Variants in SHISA9 observed in about 807,000 individuals in gnomAD.
SHISA9 encodes protein shisa-9.
Under a neutral mutation model 38.0 loss-of-function variants are expected in SHISA9, and 13 were observed. The ratio of observed to expected loss-of-function variants is 0.34; its 90% CI spans 0.22 to 0.54. The LOEUF (loss-of-function observed/expected upper bound fraction) is 0.54. Among genes scored for constraint, SHISA9 ranks in the 20% least tolerant of loss-of-function variants. The pLI is 0.91. For missense variants in SHISA9, 538 were observed against 575.8 expected (o/e 0.93, Z 0.67); for synonymous variants, 275 against 242.0 (o/e 1.14, Z -1.27).
chr16:13,128,333 A>G (rs1330977204), intron 2 of SHISA9, among the ~76,000 whole-genome samples: 1 of 152,118 alleles, frequency 6.6e-6, no homozygotes, highest in Non-Finnish European at 1.5e-5. Flanking sequence ...CCTTCTAACA[A>G]ACCTATCAGG....
the SHISA9 span, among the ~76,000 whole-genome samples, chr16:13,502,365 C>T: frequency 1.8e-3 from 268 of 152,266 alleles, 1 homozygote; most frequent in African/African-American, 5.7e-3. Flanking sequence ...ACGTGCCAGA[C>T]GTAGCCTTCA....
the SHISA9 span, among the ~76,000 whole-genome samples, chr16:13,542,364 T>C: frequency 6.6e-6 from 1 of 152,218 alleles, no homozygotes; most frequent in Non-Finnish European, 1.5e-5. Context: ...CACCAGGCAC[T>C]GAACTTTCAC....
the SHISA9 span, among the ~76,000 whole-genome samples, chr16:13,353,070 C>T: frequency 2.0e-5 from 3 of 151,908 alleles, no homozygotes; most frequent in Non-Finnish European, 2.9e-5. Flanking sequence ...AGTGTTGGGG[C>T]GGCGAAAATT....
the SHISA9 span, among the ~76,000 whole-genome samples, chr16:13,493,205 A>C: frequency 6.8e-6 from 1 of 147,482 alleles, no homozygotes; most frequent in East Asian, 2.0e-4. Flanking sequence ...GAAGTGTTTC[A>C]GAAATGACAC....
intron 2 of SHISA9, among the ~76,000 whole-genome samples, chr16:13,196,007 G>C (rs1041987551): frequency 2.1e-5 from 3 of 140,396 alleles, no homozygotes; most frequent in African/African-American, 7.9e-5. Context: ...AGAATCGCTT[G>C]AACCCGGGAG....
At chr16:13,497,467 C>T in the SHISA9 span, among the ~76,000 whole-genome samples, 1,198 of 151,994 alleles carry the variant, frequency 7.9e-3, 13 homozygotes, top group African/African-American at 0.027. Flanking sequence ...AGGAGGATCA[C>T]GAGGTCAGGA....
intron 2 of SHISA9, among the ~76,000 whole-genome samples, chr16:12,970,060 G>C (rs1239309204): frequency 6.6e-6 from 1 of 151,346 alleles, no homozygotes; most frequent in African/African-American, 2.4e-5. Context: ...TTCTTGAACT[G>C]AACTGTGAAT....
chr16:13,396,795 T>G, the SHISA9 span, among the ~76,000 whole-genome samples: 1 of 152,160 alleles, frequency 6.6e-6, no homozygotes, highest in African/African-American at 2.4e-5. Flanking sequence ...TCAAGGAGTC[T>G]TTCCTGAAAG....
intron 2 of SHISA9, among the ~76,000 whole-genome samples, chr16:13,111,820 G>T (rs190886317): frequency 6.6e-6 from 1 of 152,188 alleles, no homozygotes; most frequent in Admixed American, 6.5e-5. Context: ...TTAAAGGAGG[G>T]TAGGAGACTA....
chr16:13,523,618 C>T, the SHISA9 span, among the ~76,000 whole-genome samples: 4 of 152,090 alleles, frequency 2.6e-5, no homozygotes, highest in East Asian at 1.9e-4. Flanking sequence ...CAAACAAGAG[C>T]GATGGGGGAG....
At chr16:12,973,435 G>C (rs796323673) in intron 2 of SHISA9, among the ~76,000 whole-genome samples, 5 of 152,262 alleles carry the variant, frequency 3.3e-5, no homozygotes, top group African/African-American at 1.2e-4. Flanking sequence ...TAAAGATATA[G>C]GCTACAGACT....
chr16:12,916,485 A>C lies in SHISA9; in HGVS notation c.564-203A>C, dbSNP rs112938076. Among the ~76,000 whole-genome samples, 1,331 of 152,318 alleles carry C rather than the reference A, an allele frequency of 8.7e-3. 16 individuals are homozygous for C. The highest frequency in any genetic ancestry group is 0.031 in the African/African-American group (1,270 of 41,574). ...CATGGCTGCTGTGAGAAGCATATGCAGTAGCCTGCGTAAAGTCCCTATGTA... is the reference window on the plus strand; with the variant it reads ...CATGGCTGCTGTGAGAAGCATATGCCGTAGCCTGCGTAAAGTCCCTATGTA... On this transcript the variant is annotated intron_variant, in intron 1 of 4. Coordinates refer to ENST00000558583, the MANE Select transcript of SHISA9 (RefSeq NM_001145204.3).
chr16:13,147,106 C>A (rs981067738), intron 2 of SHISA9, among the ~76,000 whole-genome samples: 1 of 152,134 alleles, frequency 6.6e-6, no homozygotes, highest in Non-Finnish European at 1.5e-5. Context: ...CAAAAGACAG[C>A]AAGATGCATA....
At chr16:12,915,009 G>GC (rs2071235968) in intron 1 of SHISA9, among the ~76,000 whole-genome samples, 1 of 152,206 alleles carries the variant, frequency 6.6e-6, no homozygotes, top group South Asian at 2.1e-4. Context: ...TGCGTGGGTT[G>GC]CCCCCAAACA....
the SHISA9 span, among the ~76,000 whole-genome samples, chr16:13,325,127 G>A: frequency 6.6e-6 from 1 of 152,290 alleles, no homozygotes; most frequent in Admixed American, 6.5e-5. Context: ...CAGACTCTCT[G>A]GAAAGGACCC....
At chr16:13,443,282 G>A in the SHISA9 span, among the ~76,000 whole-genome samples, 5 of 152,244 alleles carry the variant, frequency 3.3e-5, no homozygotes, top group South Asian at 2.1e-4. Context: ...ACTAATCTTC[G>A]GAGAACTTTT....
At chr16:13,369,119 C>T in the SHISA9 span, among the ~76,000 whole-genome samples, 1 of 152,066 alleles carries the variant, frequency 6.6e-6, no homozygotes, top group African/African-American at 2.4e-5. Context: ...TTTAAAAAAG[C>T]AAGCTGCAGA....
At position 12,994,476 on chromosome 16, in the gene SHISA9, C is replaced by G. The variant is rs576400305; in HGVS notation, c.691+77661C>G. ...CTTTCAGAGGCCTTGTATGTGTCCA[C>G]TGGCTTCTTGTGTTCCTGTTACTTG... is the stretch of plus-strand genomic sequence containing the variant. On this transcript the variant is annotated intron_variant, in intron 2 of 4. Transcript: ENST00000558583. Among the ~76,000 whole-genome samples, 5 of 152,292 alleles carry G rather than the reference C, an allele frequency of 3.3e-5. No individual in the cohort carries two copies. The South Asian group carries it at 1.0e-3, about 32-fold the overall frequency.
chr16:12,957,380 G>A (rs1022138377), intron 2 of SHISA9, among the ~76,000 whole-genome samples: 3 of 152,156 alleles, frequency 2.0e-5, no homozygotes, highest in South Asian at 2.1e-4. Context: ...TGTTTCTCAC[G>A]ATTCCGGAGG....
Sources: allele counts gnomAD v4.1 joint callset (sites outside exome capture counted in the v4.1 genomes callset), GRCh38; gene constraint gnomAD v4.1.1; transcripts MANE v1.5; gene names NCBI Gene and HGNC (gene_info 2026-07-23, HGNC 2026-07-21).